Variants in PCF11 observed in about 807,000 individuals in gnomAD.
PCF11 encodes the protein pre-mRNA cleavage complex 2 protein Pcf11.
Under a neutral mutation model 166.1 loss-of-function variants are expected in PCF11, and 19 were observed. The observed-to-expected ratio is 0.11, with a 90% CI of 0.08 to 0.17. The LOEUF (loss-of-function observed/expected upper bound fraction) is 0.17. Among genes scored for constraint, PCF11 ranks in the 10% least tolerant of loss-of-function variants. The pLI, the probability that PCF11 is intolerant of heterozygous loss-of-function variation, is 1.00. For missense variants in PCF11, 1,565 were observed against 1,855.5 expected, an observed-to-expected ratio of 0.84 and a Z score of 2.88; for synonymous variants, 663 against 644.1, an observed-to-expected ratio of 1.03 and a Z score of -0.44.
At chr11:83,172,063 T>C in intron 9 of PCF11, 149 bp downstream of exon 9, 1 of 607,972 alleles carries the variant, frequency 1.6e-6, no homozygotes, top group Non-Finnish European at 2.9e-6. Flanking sequence ...TTTGTTCCTT[T>C]TCTAAGTTTA....
Position 83,157,348 on chromosome 11 carries a change from C to T in PCF11, c.-92C>T, listed in dbSNP as rs1034820340. The T allele has an allele frequency of 5.1e-6, 6 of 1,176,196 alleles. No homozygotes were observed. The African/African-American group carries it at 7.5e-5, about 15-fold the overall frequency. The allele number at this position is 1,176,196 out of a possible 1,614,324, so 72.9% of individuals were successfully genotyped here. A position where few individuals can be genotyped will look rare whatever the true frequency, so the allele number is the denominator to read the frequency against. ...GGTGAAGCCGGAGCCGCGAGAGAGC[C>T]GGGGAGAGGAAGAGGAGTCGGAAGG... On this transcript the variant is annotated 5_prime_UTR_variant, in exon 1 of 16. Transcript: ENST00000298281.
At chr11:83,168,036 C>CT in intron 7 of PCF11, 138 bp downstream of exon 7, 1 of 706,608 alleles carries the variant, frequency 1.4e-6, no homozygotes, top group Non-Finnish European at 2.0e-6. Flanking sequence ...TGTTTTTTCC[C>CT]TTTAAGGAAA....
At chr11:83,175,037 T>C (rs113947253) in intron 9 of PCF11, among the ~76,000 whole-genome samples, 2 of 152,236 alleles carry the variant, frequency 1.3e-5, no homozygotes, top group Admixed American at 1.3e-4. Flanking sequence ...TGGATGCAAA[T>C]TGAATTTCTG....
rs1861065274 is a variant in PCF11 at position 83,180,948 on chromosome 11, G to C, written c.3984-60G>C. ...TGGAAAATTGAAATATTTGTAATTG[G>C]CTTTTAAAGGCCATTAAGCCATATT... On this transcript the variant is annotated intron_variant, in intron 11 of 15. Coordinates refer to ENST00000298281, the Ensembl canonical transcript of PCF11. 5 of 895,014 alleles carry C rather than the reference G, an allele frequency of 5.6e-6. No homozygotes were observed. The Admixed American group carries it at 7.9e-5, about 14-fold the overall frequency. The allele number at this position is 895,014 out of a possible 1,614,324, so 55.4% of individuals were successfully genotyped here.
intron 7 of PCF11, 148 bp downstream of exon 7, chr11:83,168,046 A>G (rs767560313): frequency 3.6e-6 from 2 of 562,914 alleles, no homozygotes; most frequent in Non-Finnish European, 5.4e-6. Flanking sequence ...CTTTAAGGAA[A>G]GGGAAGGGAA....
chr11:83,177,675 A>G, intron 10 of PCF11, 39 bp from the exon 11 acceptor site: 1 of 1,023,366 alleles, frequency 9.8e-7, no homozygotes, highest in African/African-American at 1.6e-5. Flanking sequence ...TACATGGAGA[A>G]TGGTATTAAG....
exon 5 of PCF11, chr11:83,165,798 A>C: frequency 6.2e-7 from 1 of 1,611,764 alleles, no homozygotes; most frequent in Non-Finnish European, 8.5e-7. Flanking sequence ...TCGTCTGAAC[A>C]GGATAAGCCA....
chr11:83,184,517 C>A, intron 15 of PCF11, 162 bp from the exon 16 acceptor site: 1 of 609,148 alleles, frequency 1.6e-6, no homozygotes, highest in Non-Finnish European at 2.9e-6. Flanking sequence ...TATTTTATTT[C>A]TGGTTGTCTT....
Position 83,184,795 on chromosome 11 carries a change from TAAGGAA to T in PCF11, c.4570_4575del (p.Lys1524_Glu1525del), listed in dbSNP as rs766288671. On this transcript the variant is annotated inframe_deletion, in exon 16 of 16. Coordinates refer to ENST00000298281, the Ensembl canonical transcript of PCF11. Reference sequence around the variant, plus strand: ...AGGAACCCTGTGACAGTCCCAAAGTTAAGGAAGAACGAATTGATACACCACCAGCTT... The same window carrying T: ...AGGAACCCTGTGACAGTCCCAAAGTTGAACGAATTGATACACCACCAGCTT... 4 of 1,609,318 alleles carry T rather than the reference TAAGGAA, an allele frequency of 2.5e-6. No homozygotes were observed. In the South Asian group the frequency reaches 4.4e-5, roughly 18 times the overall value.
At chr11:83,157,613 C>G in exon 1 of PCF11, 1 of 1,613,960 alleles carries the variant, frequency 6.2e-7, no homozygotes, top group Non-Finnish European at 8.5e-7. Flanking sequence ...TCTCTCTCAT[C>G]GAGGCCCAAA....
At chr11:83,168,187 AAGAG>A (rs951077692) in intron 7 of PCF11, among the ~76,000 whole-genome samples, 2 of 152,214 alleles carry the variant, frequency 1.3e-5, no homozygotes, top group African/African-American at 4.8e-5. Context: ...TAGGAAATAA[AAGAG>A]AGGTTAAATA....
At chr11:83,170,667 A>C (rs978464632) in intron 8 of PCF11, among the ~76,000 whole-genome samples, 1 of 152,172 alleles carries the variant, frequency 6.6e-6, no homozygotes, top group African/African-American at 2.4e-5. Flanking sequence ...TATGTTTACA[A>C]TTTGTGATTA....
At chr11:83,170,779 ATTTATTT>A (rs1860660903) in intron 8 of PCF11, among the ~76,000 whole-genome samples, 2 of 152,314 alleles carry the variant, frequency 1.3e-5, no homozygotes, top group Admixed American at 6.5e-5. Flanking sequence ...ACTATGACAG[ATTTATTT>A]TATAGTAGTA....
At chr11:83,166,331 G>A in exon 5 of PCF11, 1 of 1,613,858 alleles carries the variant, frequency 6.2e-7, no homozygotes, top group South Asian at 1.1e-5. Context: ...GTACTAGAAA[G>A]CGATCAAGAT....
At chr11:83,177,132 G>A (rs890693655) in exon 10 of PCF11, 10 of 1,580,478 alleles carry the variant, frequency 6.3e-6, no homozygotes, top group South Asian at 1.2e-5. Context: ...TCAGGTGGAT[G>A]TAAATGAATT....
At chr11:83,169,155 A>C in exon 8 of PCF11, 3 of 1,612,558 alleles carry the variant, frequency 1.9e-6, no homozygotes, top group Non-Finnish European at 2.5e-6. Flanking sequence ...CAGGAGGTGG[A>C]ATCAGATTTG....
exon 5 of PCF11, chr11:83,166,047 T>A (rs1860440597): frequency 1.2e-6 from 2 of 1,601,500 alleles, no homozygotes; most frequent in Non-Finnish European, 1.7e-6. Context: ...CACAAAAGAC[T>A]TGAAAAATCA....
In PCF11 at chr11:83,167,526, C is replaced by T. The variant is rs373544517; in HGVS notation, c.2092+21C>T. ...AGAAGGTAAACATAGATGCAATGTA[C>T]GGGATAGTCCTACAGAAGAAAATAA... On this transcript the variant is annotated intron_variant, in intron 7 of 15. Coordinates refer to ENST00000298281, the Ensembl canonical transcript of PCF11. The surrounding 1 kb of genome is among the most constrained non-coding windows in gnomAD (Gnocchi z 4.2). The T allele has an allele frequency of 1.1e-4, 181 of 1,607,256 alleles. No homozygotes were observed. The highest frequency in any genetic ancestry group is 1.7e-4 in the Middle Eastern group (1 of 6,048).
intron 15 of PCF11, chr11:83,184,106 C>G (rs901968875): frequency 7.4e-6 from 1 of 135,208 alleles, no homozygotes; most frequent in African/African-American, 2.9e-5. Flanking sequence ...GAGCTGAGTT[C>G]ATGCCACTGC....
Sources: allele counts gnomAD v4.1 joint callset (sites outside exome capture counted in the v4.1 genomes callset), GRCh38; gene constraint gnomAD v4.1.1; non-coding constraint Gnocchi (gnomAD v3.1); transcripts MANE v1.5; gene names NCBI Gene and HGNC (gene_info 2026-07-23, HGNC 2026-07-21).